The following PLXDC2 variants were observed in gnomAD, a reference collection of about 807,000 sequenced individuals.
PLXDC2 encodes the protein plexin domain-containing protein 2.
Under a neutral mutation model 68.9 loss-of-function variants are expected in PLXDC2, and 40 were observed. The ratio of observed to expected loss-of-function variants is 0.58; its 90% confidence interval spans 0.45 to 0.76. PLXDC2 has a LOEUF of 0.76. PLXDC2 is among the 30% of genes least tolerant of loss of function. The pLI is 0.00. For missense variants in PLXDC2, 644 were observed against 661.9 expected (o/e 0.97, Z 0.30); for synonymous variants, 243 against 234.2 (o/e 1.04, Z -0.34).
chr10:19,843,268 A>AT (rs60839598), intron 1 of PLXDC2, among the ~76,000 whole-genome samples: 42,907 of 151,946 alleles, frequency 0.28, 7,098 homozygotes, highest in East Asian at 0.48. Flanking sequence ...TGGAATACTT[A>AT]TTTTTTTGTT....
intron 9 of PLXDC2, among the ~76,000 whole-genome samples, chr10:20,195,547 T>A (rs2131843089): frequency 6.6e-6 from 1 of 152,294 alleles, no homozygotes; most frequent in African/African-American, 2.4e-5. Flanking sequence ...CTTTTCTAAA[T>A]GTTTATGGTT....
At chr10:20,240,422 G>T (rs1387219964) in intron 12 of PLXDC2, among the ~76,000 whole-genome samples, 1 of 151,956 alleles carries the variant, frequency 6.6e-6, no homozygotes, top group Non-Finnish European at 1.5e-5. Context: ...AGAATAATTT[G>T]TATCCTTTTG....
chr10:20,141,713 C>G (rs76973495), intron 4 of PLXDC2, among the ~76,000 whole-genome samples: 5,005 of 151,912 alleles, frequency 0.033, 111 homozygotes, highest in African/African-American at 0.047. Context: ...TGTAATATTG[C>G]ACTTTGAATA....
At chr10:19,843,179 T>C (rs931376387) in intron 1 of PLXDC2, among the ~76,000 whole-genome samples, 3 of 152,156 alleles carry the variant, frequency 2.0e-5, no homozygotes. Context: ...TCAATTGACT[T>C]ATTTATGAAT....
In PLXDC2 at chr10:19,826,302, A is replaced by G. The variant is rs1030690448; in HGVS notation, c.112+9111A>G. 2.6e-5 allele frequency among the ~76,000 whole-genome samples: 4 copies of G among 152,194 alleles called. No individual in the cohort carries two copies. In the South Asian group the frequency reaches 8.3e-4, roughly 32 times the overall value. ...TTTTAATTCTATTTACTATTTATAT[A>G]GGTCCTGGGAATATACACCTTTGAA... On this transcript the variant is annotated intron_variant, in intron 1 of 13. Transcript: ENST00000377252.
At chr10:19,956,374 G>T (rs1834069791) in intron 1 of PLXDC2, among the ~76,000 whole-genome samples, 1 of 152,062 alleles carries the variant, frequency 6.6e-6, no homozygotes, top group African/African-American at 2.4e-5. Context: ...AAACATTTTG[G>T]ATCTGACAGG....
chr10:20,280,368 G>A lies in PLXDC2; in HGVS notation c.*549G>A, dbSNP rs956263507. ...TCTACATTTTCAAAACAGATGTGTG[G>A]CAAAAGGATGTTGTTTTTCTGGTCT... On this transcript the variant is annotated 3_prime_UTR_variant, in exon 14 of 14. Coordinates refer to ENST00000377252, the MANE Select transcript of PLXDC2 (RefSeq NM_032812.9). 1 of 152,628 alleles carries A rather than the reference G, an allele frequency of 6.6e-6. No homozygotes were observed. Among genetic ancestry groups the A allele is most frequent in the African/African-American group, 2.4e-5 (1 of 41,424 alleles). The allele number at this position is 152,628 out of a possible 1,614,324, so 9.5% of individuals were successfully genotyped here.
At chr10:19,996,901 C>T (rs1834854200) in intron 1 of PLXDC2, among the ~76,000 whole-genome samples, 1 of 152,076 alleles carries the variant, frequency 6.6e-6, no homozygotes, top group African/African-American at 2.4e-5. Context: ...TTCACTATCA[C>T]TAGAACAGCA....
At chr10:19,914,603 A>T (rs1206739866) in intron 1 of PLXDC2, among the ~76,000 whole-genome samples, 1 of 152,220 alleles carries the variant, frequency 6.6e-6, no homozygotes, top group African/African-American at 2.4e-5. Flanking sequence ...TAAAGAGAAA[A>T]GCGAACATAA....
chr10:20,233,690 T>C (rs1286633620), intron 12 of PLXDC2, among the ~76,000 whole-genome samples: 2 of 152,224 alleles, frequency 1.3e-5, no homozygotes, highest in Admixed American at 1.3e-4. Flanking sequence ...CCTGCTGTCC[T>C]GCCAGGAGGG....
chr10:19,816,667 C>T lies in PLXDC2; in HGVS notation c.-413C>T. On this transcript the variant is annotated 5_prime_UTR_variant, in exon 1 of 14. Transcript: ENST00000377252. Reference sequence around the variant, plus strand: ...CTAGTGGATCTGGGGCAGGCAGCGGCGCTGGCTGTGGAATTAGATCTGTTT... The same window carrying T: ...CTAGTGGATCTGGGGCAGGCAGCGGTGCTGGCTGTGGAATTAGATCTGTTT... 4.1e-6 allele frequency: 1 copy of T among 243,138 alleles called. No homozygotes were observed. 15.1% of individuals were successfully genotyped at this position (243,138 alleles called of 1,614,324 possible).
chr10:20,118,610 C>T (rs1381422690), intron 4 of PLXDC2, among the ~76,000 whole-genome samples: 1 of 152,046 alleles, frequency 6.6e-6, no homozygotes, highest in Non-Finnish European at 1.5e-5. Flanking sequence ...AAACCGGTCC[C>T]AGGAAACTTT....
At chr10:20,023,215 A>G (rs183528805) in intron 2 of PLXDC2, among the ~76,000 whole-genome samples, 87 of 151,926 alleles carry the variant, frequency 5.7e-4, no homozygotes, top group African/African-American at 2.0e-3. Flanking sequence ...ATAAAACATG[A>G]TAGAATAAAT....
At chr10:19,899,412 G>A (rs1188825895) in intron 1 of PLXDC2, among the ~76,000 whole-genome samples, 3 of 152,160 alleles carry the variant, frequency 2.0e-5, no homozygotes, top group South Asian at 2.1e-4. Context: ...GTGATGTTCT[G>A]ATAATTAAAC....
chr10:20,258,394 A>G (rs1239721245), intron 13 of PLXDC2, among the ~76,000 whole-genome samples: 1 of 152,132 alleles, frequency 6.6e-6, no homozygotes, highest in Non-Finnish European at 1.5e-5. Flanking sequence ...CCAGTTACAC[A>G]AAATCACTCT....
chr10:19,839,113 G>T (rs778560891), intron 1 of PLXDC2, among the ~76,000 whole-genome samples: 1 of 151,010 alleles, frequency 6.6e-6, no homozygotes, highest in Non-Finnish European at 1.5e-5. Flanking sequence ...TTGAACTTGG[G>T]AAGCAGGGGC....
intron 9 of PLXDC2, among the ~76,000 whole-genome samples, chr10:20,192,243 G>A (rs965588621): frequency 4.6e-5 from 7 of 152,054 alleles, no homozygotes; most frequent in Non-Finnish European, 7.4e-5. Context: ...TATGTGCACA[G>A]ACTGGCTAAT....
At chr10:20,129,081 C>G (rs1293382130) in intron 4 of PLXDC2, among the ~76,000 whole-genome samples, 1 of 152,164 alleles carries the variant, frequency 6.6e-6, no homozygotes, top group East Asian at 1.9e-4. Flanking sequence ...AATGACTATA[C>G]TAATTTACAT....
At chr10:20,092,979 T>A (rs1303529242) in intron 4 of PLXDC2, among the ~76,000 whole-genome samples, 2 of 152,170 alleles carry the variant, frequency 1.3e-5, no homozygotes, top group African/African-American at 4.8e-5. Context: ...AACCCAGTGA[T>A]ACAGATCTTG....
Sources: gnomAD v4.1 joint callset for allele counts (sites outside exome capture counted in the v4.1 genomes callset) on GRCh38, gnomAD v4.1.1 for gene constraint, MANE v1.5 for transcripts, NCBI Gene and HGNC (gene_info 2026-07-23, HGNC 2026-07-21) for gene names.